Variants in PTBP3 observed in about 807,000 individuals in gnomAD.
PTBP3 encodes polypyrimidine tract-binding protein 3.
In PTBP3, 20 loss-of-function variants were observed where a neutral mutation model predicts 58.7. That is an observed-to-expected ratio of 0.34 (90% CI 0.24 to 0.50). The LOEUF is 0.50. PTBP3 is among the 20% of genes least tolerant of loss of function. The pLI is 0.98. For missense variants in PTBP3, 509 were observed against 637.2 expected (o/e 0.80, Z 2.17); for synonymous variants, 185 against 219.8 (o/e 0.84, Z 1.40).
At chr9:112,225,170 A>C (rs1834935059) in intron 12 of PTBP3, among the ~76,000 whole-genome samples, 1 of 152,232 alleles carries the variant, frequency 6.6e-6, no homozygotes, top group Non-Finnish European at 1.5e-5. Flanking sequence ...ACTGACTAAA[A>C]GTAGATTCAT....
chr9:112,273,511 A>G (rs183249043), intron 3 of PTBP3, among the ~76,000 whole-genome samples: 13 of 152,352 alleles, frequency 8.5e-5, no homozygotes, highest in East Asian at 5.8e-4. Flanking sequence ...AATTTCTAAC[A>G]TCAGTCACAT....
chr9:112,274,120 G>T (rs951442239), intron 3 of PTBP3, among the ~76,000 whole-genome samples: 1 of 152,074 alleles, frequency 6.6e-6, no homozygotes, highest in Non-Finnish European at 1.5e-5. Flanking sequence ...GTCTCCAAAG[G>T]ATTTAAGACA....
At position 112,277,931 on chromosome 9, in the gene PTBP3, C is replaced by CATAAT. The variant is rs1195771548; in HGVS notation, c.35-1919_35-1918insATTAT. Among the ~76,000 whole-genome samples the CATAAT allele has an allele frequency of 2.4e-4, 20 of 83,646 alleles. No homozygotes were observed. The East Asian group carries it at 7.3e-3, about 31-fold the overall frequency. 54.9% of individuals were successfully genotyped at this position (83,646 alleles called of 152,430 possible). A position where few individuals can be genotyped will look rare whatever the true frequency, so the allele number is the denominator to read the frequency against. ...CATAACATAACATAACATAACATAA[C>CATAAT]ATAACATAACATAATATAACATAAC... On this transcript the variant is annotated intron_variant, in intron 2 of 13. Transcript: ENST00000374257.
intron 7 of PTBP3, among the ~76,000 whole-genome samples, chr9:112,245,080 G>A (rs1325856845): frequency 5.3e-5 from 8 of 152,022 alleles, no homozygotes; most frequent in African/African-American, 1.2e-4. Context: ...AGGCCGAGGC[G>A]GGCAGATCAC....
At chr9:112,259,694 A>G (rs1312906099) in intron 5 of PTBP3, among the ~76,000 whole-genome samples, 1 of 152,220 alleles carries the variant, frequency 6.6e-6, no homozygotes, top group Non-Finnish European at 1.5e-5. Context: ...GTTTCTATAG[A>G]TGTTAGATAG....
intron 12 of PTBP3, among the ~76,000 whole-genome samples, chr9:112,224,716 A>G (rs1403997316): frequency 6.6e-6 from 1 of 152,194 alleles, no homozygotes; most frequent in Non-Finnish European, 1.5e-5. Flanking sequence ...TCCCATAGAA[A>G]GCACAGGTAT....
intron 2 of PTBP3, among the ~76,000 whole-genome samples, chr9:112,291,879 A>G (rs1010395544): frequency 2.0e-5 from 3 of 152,234 alleles, no homozygotes; most frequent in Non-Finnish European, 4.4e-5. Context: ...GCTAATATCA[A>G]ACTCAAAACC....
At chr9:112,334,794 C>A (rs916397679), upstream of PTBP3, among the ~76,000 whole-genome samples, 17 of 152,314 alleles carry the variant, frequency 1.1e-4, no homozygotes, top group Non-Finnish European at 1.3e-4. Context: ...CATGAATACA[C>A]AAGAAAATCA....
the PTBP3 span, among the ~76,000 whole-genome samples, chr9:112,361,119 CAG>C: frequency 6.6e-6 from 1 of 151,834 alleles, no homozygotes; most frequent in Non-Finnish European, 1.5e-5. Context: ...TTTTTTGAGA[CAG>C]AGTCTCACTC....
chr9:112,375,341 C>A, the PTBP3 span, among the ~76,000 whole-genome samples: 1 of 152,218 alleles, frequency 6.6e-6, no homozygotes, highest in Non-Finnish European at 1.5e-5. Flanking sequence ...ATACATCTGG[C>A]CATTTCTCCT....
chr9:112,230,577 T>C (rs1835161600), intron 10 of PTBP3, among the ~76,000 whole-genome samples: 1 of 152,144 alleles, frequency 6.6e-6, no homozygotes, highest in Admixed American at 6.5e-5. Flanking sequence ...TGCATTTAGA[T>C]TATATATATT....
At position 112,330,574 on chromosome 9, in the gene PTBP3, T is replaced by C. The variant is rs1587902261; in HGVS notation, c.-52+2896A>G. 4 of 713,954 alleles carry C rather than the reference T, an allele frequency of 5.6e-6. No individual in the cohort carries two copies. The South Asian group carries it at 7.8e-5, about 14-fold the overall frequency. 44.2% of individuals were successfully genotyped at this position (713,954 alleles called of 1,614,324 possible). A position where few individuals can be genotyped will look rare whatever the true frequency, so the allele number is the denominator to read the frequency against. ...GAATAAAGGGGAAAAAGCATTATAA[T>C]AACAAATAATAAAAATAAGAATGTG... On this transcript the variant is annotated intron_variant, in intron 1 of 13. Coordinates refer to ENST00000374257, the MANE Select transcript of PTBP3 (RefSeq NM_001163788.4).
the PTBP3 span, among the ~76,000 whole-genome samples, chr9:112,355,734 C>T: frequency 6.6e-6 from 1 of 151,470 alleles, no homozygotes. Flanking sequence ...TCAAGCAATC[C>T]TCAGCCTCCT....
At chr9:112,378,462 T>G in the PTBP3 span, among the ~76,000 whole-genome samples, 4 of 152,186 alleles carry the variant, frequency 2.6e-5, no homozygotes. Context: ...GAAAGGAGGC[T>G]CTAACAGACT....
rs1834864127 is a variant in PTBP3, at chr9:112,223,265, A to C, written c.*586T>G. Reference sequence around the variant, plus strand: ...TTACAGTGAAAAAAAGAAATCATTCAAAGAAAACATGCAGGTTTATAAATC... The same window carrying C: ...TTACAGTGAAAAAAAGAAATCATTCCAAGAAAACATGCAGGTTTATAAATC... On this transcript the variant is annotated 3_prime_UTR_variant, in exon 14 of 14. Coordinates refer to ENST00000374257, the MANE Select transcript of PTBP3 (RefSeq NM_001163788.4). The C allele has an allele frequency of 1.1e-6, 1 of 944,866 alleles. No individual in the cohort carries two copies. Among genetic ancestry groups the C allele is most frequent in the Non-Finnish European group, 1.3e-6 (1 of 792,606 alleles). 58.5% of individuals were successfully genotyped at this position (944,866 alleles called of 1,614,324 possible).
At chr9:112,376,328 A>G in the PTBP3 span, among the ~76,000 whole-genome samples, 1 of 131,182 alleles carries the variant, frequency 7.6e-6, no homozygotes, top group African/African-American at 3.0e-5. Flanking sequence ...GTCTCCGCTC[A>G]CTGCAACCTC....
At chr9:112,341,313 G>C in the PTBP3 span, among the ~76,000 whole-genome samples, 1 of 151,958 alleles carries the variant, frequency 6.6e-6, no homozygotes. Context: ...TGTATTTTTA[G>C]TAGAGATGGT....
the PTBP3 span, among the ~76,000 whole-genome samples, chr9:112,349,247 G>T: frequency 3.3e-5 from 5 of 152,122 alleles, no homozygotes; most frequent in Admixed American, 6.6e-5. Flanking sequence ...ATATGGAGGC[G>T]CTGGGAGGTT....
At chr9:112,306,393 C>G (rs889766929) in intron 1 of PTBP3, among the ~76,000 whole-genome samples, 2 of 147,542 alleles carry the variant, frequency 1.4e-5, no homozygotes, top group African/African-American at 5.0e-5. Context: ...CTCCTGGGCT[C>G]AAGCTATTTG....
Sources: allele counts gnomAD v4.1 joint callset (sites outside exome capture counted in the v4.1 genomes callset), GRCh38; gene constraint gnomAD v4.1.1; transcripts MANE v1.5; gene names NCBI Gene and HGNC (gene_info 2026-07-23, HGNC 2026-07-21).